The following RORA variants were observed in gnomAD, a reference collection of about 807,000 sequenced individuals.
The protein encoded by RORA is nuclear receptor ROR-alpha.
RORA carries 7 observed loss-of-function variants against 69.5 expected under a neutral mutation model. The observed-to-expected ratio is 0.10, with a 90% confidence interval of 0.06 to 0.19. RORA has a LOEUF of 0.19. Ranked by LOEUF, RORA falls within the 10% of genes least tolerant of loss-of-function variation. The pLI, the probability that RORA is intolerant of heterozygous loss-of-function variation, is 1.00. For synonymous variants in RORA, 261 were observed against 240.8 expected (o/e 1.08, Z -0.78); for missense variants, 457 against 663.0 (o/e 0.69, Z 3.41).
intron 1 of RORA, among the ~76,000 whole-genome samples, chr15:60,823,905 C>T (rs1393865458): frequency 5.9e-5 from 9 of 152,032 alleles, no homozygotes; most frequent in African/African-American, 1.9e-4. Context: ...TTAAATACAT[C>T]TTGGGGGTGG....
intron 2 of RORA, among the ~76,000 whole-genome samples, chr15:60,595,618 G>A (rs1476965608): frequency 6.6e-6 from 1 of 151,486 alleles, no homozygotes; most frequent in East Asian, 1.9e-4. Context: ...ATGCTTATGA[G>A]TACCGACTGA....
At chr15:60,836,324 T>C (rs943190454) in intron 1 of RORA, among the ~76,000 whole-genome samples, 1 of 152,196 alleles carries the variant, frequency 6.6e-6, no homozygotes, top group African/African-American at 2.4e-5. Flanking sequence ...CGTCTTGCTC[T>C]GGATTTTTTA....
intron 1 of RORA, among the ~76,000 whole-genome samples, chr15:60,924,145 G>T (rs993576212): frequency 3.2e-4 from 48 of 152,116 alleles, no homozygotes; most frequent in African/African-American, 1.2e-3. Context: ...TTCAAGAAAA[G>T]AACTCTGACT....
chr15:60,806,935 A>T lies in RORA; in HGVS notation c.167-128249T>A, dbSNP rs1244260146. Among the ~76,000 whole-genome samples the T allele has an allele frequency of 2.6e-5, 4 of 152,204 alleles. No homozygotes were observed. In the South Asian group the frequency reaches 6.2e-4, roughly 24 times the overall value. On this transcript the variant is annotated intron_variant, in intron 1 of 10. Coordinates refer to ENST00000335670, the MANE Select transcript of RORA (RefSeq NM_134261.3). The stretch of plus-strand genomic sequence containing the variant: ...CTTAAGGTAAGAAAAACCATCTATG[A>T]CAAACCCACAGCCAACATTATACTG...
intron 1 of RORA, among the ~76,000 whole-genome samples, chr15:60,745,944 C>T (rs76194223): frequency 0.058 from 8,863 of 152,074 alleles, 361 homozygotes; most frequent in Admixed American, 0.11. Flanking sequence ...AGAATGTACA[C>T]TATGAAAAAA....
intron 1 of RORA, among the ~76,000 whole-genome samples, chr15:60,818,047 A>C (rs1168104382): frequency 6.6e-6 from 1 of 152,212 alleles, no homozygotes; most frequent in Non-Finnish European, 1.5e-5. Context: ...AAGAAAAGGA[A>C]GTAGATTCTT....
At chr15:60,786,539 T>C (rs1185822095) in intron 1 of RORA, among the ~76,000 whole-genome samples, 2 of 152,144 alleles carry the variant, frequency 1.3e-5, no homozygotes, top group Admixed American at 1.3e-4. Flanking sequence ...ATGGGGCTAC[T>C]CTAGAGAGCT....
At position 61,111,809 on chromosome 15, in the gene RORA, C is replaced by T. The variant is rs544064951; in HGVS notation, c.166+117244G>A. On this transcript the variant is annotated intron_variant, in intron 1 of 10. Transcript: ENST00000335670. The stretch of plus-strand genomic sequence containing the variant: ...AAGGCAAAGATAAAAAAATTATAAT[C>T]CCTTTGGCATGCTATTCATTAAGAA... Among the ~76,000 whole-genome samples the T allele has an allele frequency of 2.0e-4, 30 of 152,264 alleles. No homozygotes were observed. In the South Asian group the frequency reaches 5.6e-3, roughly 28 times the overall value.
rs544438685 is a variant in RORA, at chr15:61,147,531, A to T, written c.166+81522T>A. ...GGGAAGTCCTGGTTCCAAACCTCATAGAAGATAGGTTGGAAGCAGGAAAAA... is the reference window on the plus strand; with the variant it reads ...GGGAAGTCCTGGTTCCAAACCTCATTGAAGATAGGTTGGAAGCAGGAAAAA... On this transcript the variant is annotated intron_variant, in intron 1 of 10. Coordinates refer to ENST00000335670, the MANE Select transcript of RORA (RefSeq NM_134261.3). The surrounding 1 kb of genome is among the most constrained non-coding windows in gnomAD (Gnocchi z 4.1). Among the ~76,000 whole-genome samples the T allele has an allele frequency of 1.4e-4, 22 of 152,332 alleles. 1 individual carries two copies. The South Asian group carries it at 4.6e-3, about 32-fold the overall frequency.
At chr15:60,937,410 G>C (rs1003881723) in intron 1 of RORA, among the ~76,000 whole-genome samples, 1 of 152,138 alleles carries the variant, frequency 6.6e-6, no homozygotes, top group Admixed American at 6.5e-5. Context: ...GGAAAGCCAA[G>C]GTCTTCCAAC....
intron 1 of RORA, among the ~76,000 whole-genome samples, chr15:61,073,377 G>A (rs529775710): frequency 6.6e-6 from 1 of 150,580 alleles, no homozygotes; most frequent in African/African-American, 2.4e-5. Context: ...GGGATCCTTA[G>A]TAGCACACAT....
chr15:61,169,857 T>A (rs1222618293), intron 1 of RORA, among the ~76,000 whole-genome samples: 1 of 152,112 alleles, frequency 6.6e-6, no homozygotes, highest in Non-Finnish European at 1.5e-5. Context: ...AAGTATGATG[T>A]TCCTTGGGCA....
At chr15:60,819,740 A>C (rs1200588808) in intron 1 of RORA, among the ~76,000 whole-genome samples, 1 of 97,162 alleles carries the variant, frequency 1.0e-5, no homozygotes, top group Non-Finnish European at 1.9e-5. Flanking sequence ...ACTGAAGTCA[A>C]ACCCAGACAC....
intron 1 of RORA, among the ~76,000 whole-genome samples, chr15:61,212,249 T>A (rs2079999326): frequency 1.8e-5 from 1 of 55,780 alleles, no homozygotes; most frequent in African/African-American, 4.5e-5. Flanking sequence ...GTTGTTTGTT[T>A]GTTTGTTTTA....
At position 61,158,042 on chromosome 15, in the gene RORA, C is replaced by G. The variant is rs146401053; in HGVS notation, c.166+71011G>C. Among the ~76,000 whole-genome samples, 100 of 152,298 alleles carry G rather than the reference C, an allele frequency of 6.6e-4. 1 individual carries two copies. The highest frequency in any genetic ancestry group is 2.4e-3 in the African/African-American group (100 of 41,564). ...AGGACGTGCCAAAGCCCAACCCCAG[C>G]TGCACACTGACTTGTCGGAAAACTT... On this transcript the variant is annotated intron_variant, in intron 1 of 10. Coordinates refer to ENST00000335670, the MANE Select transcript of RORA (RefSeq NM_134261.3).
intron 1 of RORA, among the ~76,000 whole-genome samples, chr15:61,098,248 C>T (rs898522792): frequency 7.0e-6 from 1 of 143,096 alleles, no homozygotes; most frequent in African/African-American, 2.6e-5. Flanking sequence ...TTTTCTCCCT[C>T]CCCCCTTTTT....
chr15:60,705,350 G>GTT (rs1245670778), intron 1 of RORA, among the ~76,000 whole-genome samples: 1 of 152,188 alleles, frequency 6.6e-6, no homozygotes, highest in Non-Finnish European at 1.5e-5. Flanking sequence ...GTGGACTGGA[G>GTT]TTTGGATTTA....
intron 1 of RORA, among the ~76,000 whole-genome samples, chr15:60,737,413 C>T (rs936217369): frequency 6.6e-6 from 1 of 152,138 alleles, no homozygotes; most frequent in Non-Finnish European, 1.5e-5. Flanking sequence ...GAAGGTTAAC[C>T]TCTAGACTAG....
At chr15:60,819,780 C>CGCGCACACACACACAA (rs1595740257) in intron 1 of RORA, among the ~76,000 whole-genome samples, 3 of 151,018 alleles carry the variant, frequency 2.0e-5, no homozygotes, top group East Asian at 4.1e-4. Context: ...CACACACACA[C>CGCGCACACACACACAA]ACACACACAC....
Sources: gnomAD v4.1 joint callset for allele counts (sites outside exome capture counted in the v4.1 genomes callset) on GRCh38, gnomAD v4.1.1 for gene constraint, Gnocchi (gnomAD v3.1) non-coding constraint, MANE v1.5 for transcripts, NCBI Gene and HGNC (gene_info 2026-07-23, HGNC 2026-07-21) for gene names.